DHDDS: variants seen among roughly 807,000 people sequenced by gnomAD.
The protein encoded by DHDDS is dehydrodolichyl diphosphate synthase complex subunit DHDDS.
In DHDDS, 16 loss-of-function variants were observed where a neutral mutation model predicts 46.2. The ratio of observed to expected loss-of-function variants is 0.35; its 90% CI spans 0.23 to 0.53. DHDDS has a LOEUF of 0.53. Ranked by LOEUF, DHDDS falls within the 20% of genes least tolerant of loss-of-function variation. The probability of loss-of-function intolerance (pLI) is 0.94; values close to 1 mark genes in which losing one functional copy is unlikely to be tolerated. For synonymous variants in DHDDS, 151 were observed against 163.1 expected, an observed-to-expected ratio of 0.93 and a Z score of 0.56; for missense variants, 340 against 423.7, an observed-to-expected ratio of 0.80 and a Z score of 1.73.
Position 26,442,802 on chromosome 1 carries a change from A to T in DHDDS, c.252A>T (p.Lys84Asn). 1 of 1,614,106 alleles carries T rather than the reference A, an allele frequency of 6.2e-7. No individual in the cohort carries two copies. Among genetic ancestry groups the T allele is most frequent in the Non-Finnish European group, 8.5e-7 (1 of 1,180,014 alleles). ...ACGCATTCAGCATTGAGAACTTCAA[A>T]CGCTCCAAGAGTGAGGTAGACGGGC... ...TVYAFSIENFKRSKSEVDGLM... is the reference protein window; with the variant it reads ...TVYAFSIENFNRSKSEVDGLM... Residue 84 changes from lysine (K) to asparagine (N), a missense_variant, in exon 4 of 9, where the codon AAA (lysine) becomes AAT (asparagine). This residue lies in a region of DHDDS where 72 missense variants were observed against 123.5 expected (regional missense o/e 0.58). Coordinates refer to ENST00000236342, the MANE Select transcript of DHDDS (RefSeq NM_205861.3).
chr1:26,461,821 G>A (rs189714514), intron 8 of DHDDS, among the ~76,000 whole-genome samples: 1 of 151,776 alleles, frequency 6.6e-6, no homozygotes, highest in Non-Finnish European at 1.5e-5. Flanking sequence ...CAGAATATGA[G>A]GAAATTAAAA....
At chr1:26,460,916 C>G (rs2075415871) in intron 8 of DHDDS, among the ~76,000 whole-genome samples, 1 of 152,142 alleles carries the variant, frequency 6.6e-6, no homozygotes. Flanking sequence ...TCTTGTTGCC[C>G]AGGCCGGAGT....
chr1:26,447,768 C>T (rs774102743), intron 6 of DHDDS, 108 bp downstream of exon 6: 14 of 951,832 alleles, frequency 1.5e-5, no homozygotes, highest in African/African-American at 9.7e-5. Flanking sequence ...GTGGGCAGTC[C>T]ACTTGAGGCA....
At chr1:26,432,604 A>G (rs2075115142) in intron 1 of DHDDS, 1 of 364,182 alleles carries the variant, frequency 2.7e-6, no homozygotes, top group South Asian at 2.6e-5. Context: ...TGTGGGCACC[A>G]TGATGTGGCA....
rs1166377469 is a variant in DHDDS, at chr1:26,460,066, C to T, written c.687C>T (p.Pro229=). Residue 229 remains proline (P), a synonymous_variant, in exon 8 of 9, where the codon CCC becomes CCT. Transcript: ENST00000236342. ...CTCACTCCTGCCTGGTGTTCCAACCCGTTCTGTGGCCAGAGTATACATTTT... is the reference window on the plus strand; with the variant it reads ...CTCACTCCTGCCTGGTGTTCCAACCTGTTCTGTGGCCAGAGTATACATTTT... The part of the protein sequence containing the change: ...QTSHSCLVFQ[P]VLWPEYTFWN... 5.6e-6 allele frequency: 9 copies of T among 1,614,188 alleles called. No homozygotes were observed. The highest frequency in any genetic ancestry group is 1.3e-5 in the African/African-American group (1 of 75,048).
At position 26,470,826 on chromosome 1, in the gene DHDDS, A is replaced by G. The variant is rs2075548254; in HGVS notation, c.*1695A>G. On this transcript the variant is annotated 3_prime_UTR_variant, in exon 9 of 9. Transcript: ENST00000236342. The stretch of plus-strand genomic sequence containing the variant: ...TTAGGGAGGCATGAATTATGCGGCT[A>G]TAATGCAGAGCCCTACAATTAAGGC... The G allele has an allele frequency of 6.5e-6, 1 of 152,750 alleles. No homozygotes were observed. The allele number at this position is 152,750 out of a possible 1,614,324, so 9.5% of individuals were successfully genotyped here.
At chr1:26,467,272 CA>C (rs1557453964) in intron 8 of DHDDS, 9 of 466,172 alleles carry the variant, frequency 1.9e-5, no homozygotes, top group Non-Finnish European at 3.1e-5. Context: ...TCCATATCCT[CA>C]AAAAAAATCC....
intron 6 of DHDDS, among the ~76,000 whole-genome samples, chr1:26,457,229 G>T (rs536047202): frequency 4.0e-5 from 6 of 151,720 alleles, no homozygotes; most frequent in South Asian, 2.1e-4. Context: ...GAGGCCGAGG[G>T]GGGGGCGGAT....
intron 8 of DHDDS, among the ~76,000 whole-genome samples, chr1:26,462,030 A>T (rs2075427722): frequency 6.6e-6 from 1 of 151,466 alleles, no homozygotes; most frequent in Non-Finnish European, 1.5e-5. Flanking sequence ...GCTAATAATG[A>T]TGATGATTAG....
chr1:26,464,330 C>G (rs2075460230), intron 8 of DHDDS, among the ~76,000 whole-genome samples: 1 of 151,266 alleles, frequency 6.6e-6, no homozygotes, highest in Non-Finnish European at 1.5e-5. Context: ...TACCACATGT[C>G]AGGCATCCTT....
At chr1:26,466,652 G>C (rs536935638) in intron 8 of DHDDS, among the ~76,000 whole-genome samples, 41 of 152,238 alleles carry the variant, frequency 2.7e-4, no homozygotes, top group Non-Finnish European at 5.6e-4. Context: ...ATGCCATCTG[G>C]AAGAAGCTTG....
In DHDDS at chr1:26,470,428, T is replaced by C. The variant is rs768127580; in HGVS notation, c.*1297T>C. On this transcript the variant is annotated 3_prime_UTR_variant, in exon 9 of 9. Transcript: ENST00000236342. ...TCCCAAAGTGCTGGGATTACAGGCA[T>C]GAGCCACCATGCCAGACTTCCCATT... is the stretch of plus-strand genomic sequence containing the variant. 1 of 151,320 alleles carries C rather than the reference T, an allele frequency of 6.6e-6. No homozygotes were observed. The highest frequency in any genetic ancestry group is 2.4e-5 in the African/African-American group (1 of 41,074). The allele number at this position is 151,320 out of a possible 1,614,324, so 9.4% of individuals were successfully genotyped here. A position where few individuals can be genotyped will look rare whatever the true frequency, so the allele number is the denominator to read the frequency against.
intron 1 of DHDDS, 154 bp downstream of exon 1, chr1:26,432,530 G>A (rs2075114711): frequency 3.9e-6 from 1 of 255,192 alleles, no homozygotes; most frequent in Non-Finnish European, 7.9e-6. Context: ...TTAGTAACTG[G>A]GAGCACAGAG....
At chr1:26,465,157 G>A (rs2075470452) in intron 8 of DHDDS, among the ~76,000 whole-genome samples, 1 of 152,176 alleles carries the variant, frequency 6.6e-6, no homozygotes, top group Non-Finnish European at 1.5e-5. Flanking sequence ...TCCTTGAGAG[G>A]TCACTGATGG....
chr1:26,447,780 G>T (rs538864907), intron 6 of DHDDS, 120 bp downstream of exon 6: 109 of 859,416 alleles, frequency 1.3e-4, no homozygotes, highest in Admixed American at 3.2e-4. Context: ...CTTGAGGCAG[G>T]CCAGGAGTTC....
intron 8 of DHDDS, chr1:26,463,296 T>C (rs6690458): frequency 0.31 from 47,110 of 151,996 alleles, 8,605 homozygotes; most frequent in East Asian, 0.72. Flanking sequence ...TAAAAACAAA[T>C]GTTGAAATAG....
chr1:26,438,698 C>A, intron 3 of DHDDS: 1 of 187,270 alleles, frequency 5.3e-6, no homozygotes, highest in Non-Finnish European at 1.1e-5. Flanking sequence ...TGTACTCTAG[C>A]CTGGGTGACA....
intron 6 of DHDDS, among the ~76,000 whole-genome samples, chr1:26,456,677 G>A (rs2075373085): frequency 6.6e-6 from 1 of 152,218 alleles, no homozygotes; most frequent in Admixed American, 6.5e-5. Flanking sequence ...ACAGGCATGA[G>A]TCACCACGCC....
intron 3 of DHDDS, among the ~76,000 whole-genome samples, chr1:26,440,862 C>G (rs755086163): frequency 3.3e-5 from 5 of 152,046 alleles, no homozygotes; most frequent in African/African-American, 1.2e-4. Flanking sequence ...TCCTCCACCT[C>G]TCAACATTGT....
Sources: allele counts gnomAD v4.1 joint callset (sites outside exome capture counted in the v4.1 genomes callset), GRCh38; gene constraint gnomAD v4.1.1; regional missense constraint gnomAD v4.1.1; transcripts MANE v1.5; gene names NCBI Gene and HGNC (gene_info 2026-07-23, HGNC 2026-07-21).